The following TRIM55 variants were observed in gnomAD, a reference collection of about 807,000 sequenced individuals.
The protein encoded by TRIM55 is tripartite motif-containing protein 55.
A neutral mutation model predicts 60.9 loss-of-function variants in TRIM55; 50 were observed. The ratio of observed to expected loss-of-function variants is 0.82; its 90% CI spans 0.65 to 1.04. The LOEUF (loss-of-function observed/expected upper bound fraction) is 1.04. Among genes scored for constraint, TRIM55 ranks in the 50% least tolerant of loss-of-function variants. The pLI, the probability that TRIM55 is intolerant of heterozygous loss-of-function variation, is 0.00. For missense variants in TRIM55, 681 were observed against 666.9 expected (o/e 1.02, Z -0.23); for synonymous variants, 237 against 238.1 (o/e 1.00, Z 0.04).
chr8:66,143,595 T>A (rs1563373597), intron 4 of TRIM55, among the ~76,000 whole-genome samples: 1 of 151,914 alleles, frequency 6.6e-6, no homozygotes, highest in African/African-American at 2.4e-5. Context: ...TTTTTTTTTT[T>A]AACACTGAAT....
intron 4 of TRIM55, among the ~76,000 whole-genome samples, chr8:66,149,415 T>G (rs1810280114): frequency 6.6e-6 from 1 of 152,216 alleles, no homozygotes; most frequent in African/African-American, 2.4e-5. Context: ...AACCATTGAT[T>G]CATGTAGCCA....
At chr8:66,167,878 G>A (rs1811411500) in intron 9 of TRIM55, among the ~76,000 whole-genome samples, 1 of 152,134 alleles carries the variant, frequency 6.6e-6, no homozygotes, top group Non-Finnish European at 1.5e-5. Flanking sequence ...CTCCTGAGTA[G>A]CTAGGACTGC....
intron 4 of TRIM55, among the ~76,000 whole-genome samples, chr8:66,146,576 A>G (rs1810107796): frequency 6.6e-6 from 1 of 152,232 alleles, no homozygotes; most frequent in Non-Finnish European, 1.5e-5. Context: ...TACTCATATT[A>G]TAAATGTTTC....
At chr8:66,134,730 A>G (rs1191344294) in intron 2 of TRIM55, among the ~76,000 whole-genome samples, 10 of 152,102 alleles carry the variant, frequency 6.6e-5, no homozygotes, top group Admixed American at 6.5e-4. Context: ...GGCAAATGGT[A>G]CAAATCAGGA....
chr8:66,160,025 T>G (rs906476706), intron 9 of TRIM55, among the ~76,000 whole-genome samples: 1 of 152,086 alleles, frequency 6.6e-6, no homozygotes, highest in Non-Finnish European at 1.5e-5. Context: ...TTCAGTAGGT[T>G]TTTGGGGAAC....
intron 9 of TRIM55, among the ~76,000 whole-genome samples, chr8:66,165,537 A>G: frequency 6.6e-6 from 1 of 152,230 alleles, no homozygotes; most frequent in African/African-American, 2.4e-5. Flanking sequence ...GTGAATGAAA[A>G]TTTAACTCTG....
chr8:66,118,105 C>T, the TRIM55 span, among the ~76,000 whole-genome samples: 1 of 127,626 alleles, frequency 7.8e-6, no homozygotes, highest in Non-Finnish European at 1.6e-5. Context: ...GGAGGCGGAG[C>T]TTGCAGTGAG....
chr8:66,118,576 A>C, the TRIM55 span, among the ~76,000 whole-genome samples: 5 of 152,232 alleles, frequency 3.3e-5, no homozygotes, highest in Non-Finnish European at 7.3e-5. Flanking sequence ...AAGGGATGGC[A>C]AGAATCTTTG....
intron 2 of TRIM55, among the ~76,000 whole-genome samples, chr8:66,132,236 A>C (rs1358949961): frequency 6.6e-6 from 1 of 152,162 alleles, no homozygotes; most frequent in African/African-American, 2.4e-5. Flanking sequence ...AGATCACCTG[A>C]GGTCAGGAGT....
rs149492370 is a variant in TRIM55 at position 66,154,132 on chromosome 8, T to G, written c.1322T>G (p.Phe441Cys). The change falls in exon 9 of 10, where the codon TTT becomes TGT. Residue 441 changes from phenylalanine to cysteine, a missense_variant. Coordinates refer to ENST00000315962, the MANE Select transcript of TRIM55 (RefSeq NM_184085.2). The stretch of plus-strand genomic sequence containing the variant: ...GCAGCAGAAACTGCGGATCCCTTGT[T>G]TTACCCTAGTTGGTATAAAGGCCAA... ...PAAAETADPL[F>C]YPSWYKGQTR... The G allele has an allele frequency of 1.2e-4, 193 of 1,614,082 alleles. 2 individuals carry two copies. In the African/African-American group the frequency reaches 2.4e-3, roughly 20 times the overall value.
chr8:66,145,517 G>A (rs1810051096), intron 4 of TRIM55, among the ~76,000 whole-genome samples: 1 of 152,000 alleles, frequency 6.6e-6, no homozygotes, highest in African/African-American at 2.4e-5. Flanking sequence ...GGAAAATTAT[G>A]GCAGGTTATT....
intron 1 of TRIM55, 72 bp from the exon 2 acceptor site, chr8:66,128,232 G>A (rs1354429784): frequency 1.5e-6 from 2 of 1,361,600 alleles, no homozygotes; most frequent in East Asian, 2.3e-5. Context: ...TAGTAGCAGA[G>A]AGTGAAAATA....
chr8:66,161,361 C>G (rs1811040128), intron 9 of TRIM55, among the ~76,000 whole-genome samples: 2 of 152,126 alleles, frequency 1.3e-5, no homozygotes, highest in African/African-American at 4.8e-5. Context: ...TTTCCGGGTT[C>G]TCTATTCTGT....
At chr8:66,166,054 G>C (rs1811312631) in intron 9 of TRIM55, among the ~76,000 whole-genome samples, 4 of 151,692 alleles carry the variant, frequency 2.6e-5, no homozygotes, top group African/African-American at 9.7e-5. Flanking sequence ...ATCTCCTCAA[G>C]GCCCCCAATA....
chr8:66,141,703 T>C (rs534394804), intron 4 of TRIM55, among the ~76,000 whole-genome samples: 51 of 152,360 alleles, frequency 3.3e-4, no homozygotes, highest in Admixed American at 1.6e-3. Flanking sequence ...CTGTTTTGTA[T>C]GGCCTGTCTA....
At chr8:66,138,907 T>C (rs1355935153) in intron 4 of TRIM55, among the ~76,000 whole-genome samples, 1 of 152,194 alleles carries the variant, frequency 6.6e-6, no homozygotes, top group East Asian at 1.9e-4. Context: ...CAAGTTCTAT[T>C]CAAAGCTAAA....
the TRIM55 span, chr8:66,113,698 C>A: frequency 2.4e-6 from 1 of 413,750 alleles, no homozygotes; most frequent in South Asian, 1.7e-5. Flanking sequence ...GTCACGACTT[C>A]TGCGTCTTCT....
At chr8:66,142,020 C>T (rs1383613559) in intron 4 of TRIM55, among the ~76,000 whole-genome samples, 1 of 152,208 alleles carries the variant, frequency 6.6e-6, no homozygotes, top group Non-Finnish European at 1.5e-5. Flanking sequence ...TGCTTAATTA[C>T]ACGACACTGG....
chr8:66,156,288 T>C (rs1313243587), intron 9 of TRIM55, among the ~76,000 whole-genome samples: 1 of 152,164 alleles, frequency 6.6e-6, no homozygotes, highest in African/African-American at 2.4e-5. Context: ...GAGAGAAAGA[T>C]GCCCTGACTG....
Sources: allele counts gnomAD v4.1 joint callset (sites outside exome capture counted in the v4.1 genomes callset), GRCh38; gene constraint gnomAD v4.1.1; transcripts MANE v1.5; gene names NCBI Gene and HGNC (gene_info 2026-07-23, HGNC 2026-07-21).